Variants in CPED1 observed in about 807,000 individuals in gnomAD.
CPED1 encodes cadherin like and PC-esterase domain containing 1.
A neutral mutation model predicts 128.2 loss-of-function variants in CPED1; 114 were observed. The observed-to-expected ratio is 0.89, with a 90% CI of 0.76 to 1.04. The LOEUF is 1.04. Among genes scored for constraint, CPED1 ranks in the 50% least tolerant of loss-of-function variants. The probability of loss-of-function intolerance (pLI) is 0.00; values close to 1 mark genes in which losing one functional copy is unlikely to be tolerated. For missense variants in CPED1, 1,211 were observed against 1,207.1 expected, an observed-to-expected ratio of 1.00 and a Z score of -0.05; for synonymous variants, 462 against 426.7, an observed-to-expected ratio of 1.08 and a Z score of -1.02.
rs182914817 is a variant in CPED1 at position 121,082,359 on chromosome 7, A to G, written c.617-15340A>G. Among the ~76,000 whole-genome samples the G allele has an allele frequency of 4.7e-3, 710 of 152,332 alleles. 5 individuals carry two copies. The highest frequency in any genetic ancestry group is 0.016 in the African/African-American group (674 of 41,590). On this transcript the variant is annotated intron_variant, in intron 5 of 22. Transcript: ENST00000310396. ...GAGGTTTTCTGTTTTCTACCTCAAC[A>G]TAAAGCTGTCACAATAATATATAAT... is the stretch of plus-strand genomic sequence containing the variant.
At chr7:121,027,244 A>AT (rs1276269660) in intron 3 of CPED1, among the ~76,000 whole-genome samples, 1 of 151,944 alleles carries the variant, frequency 6.6e-6, no homozygotes, top group Non-Finnish European at 1.5e-5. Context: ...CACATTATTC[A>AT]TATATCTCTG....
At chr7:121,144,013 A>G (rs759775646) in intron 16 of CPED1, among the ~76,000 whole-genome samples, 14 of 152,046 alleles carry the variant, frequency 9.2e-5, no homozygotes, top group Non-Finnish European at 1.6e-4. Context: ...CCTTACATTC[A>G]TAAAAACAAG....
At chr7:121,107,106 A>G (rs1429718065) in intron 7 of CPED1, among the ~76,000 whole-genome samples, 3 of 152,244 alleles carry the variant, frequency 2.0e-5, no homozygotes, top group East Asian at 3.9e-4. Flanking sequence ...CACTACCCTC[A>G]TGCAAGAAAG....
chr7:121,274,429 C>T (rs1261845398), intron 22 of CPED1, among the ~76,000 whole-genome samples: 1 of 147,012 alleles, frequency 6.8e-6, no homozygotes, highest in African/African-American at 2.4e-5. Flanking sequence ...CTCGCTTTTT[C>T]TTAACTCTAT....
At chr7:121,136,358 C>T (rs1795782926) in intron 14 of CPED1, among the ~76,000 whole-genome samples, 1 of 152,010 alleles carries the variant, frequency 6.6e-6, no homozygotes. Context: ...GCCTTGGAAG[C>T]CTTTCAGATG....
At chr7:121,269,169 C>T (rs913842009) in intron 21 of CPED1, among the ~76,000 whole-genome samples, 25 of 152,032 alleles carry the variant, frequency 1.6e-4, no homozygotes, top group African/African-American at 5.8e-4. Flanking sequence ...CCCTTCCTCC[C>T]GCTTCTTGTA....
At chr7:121,027,182 C>T (rs1792614440) in intron 3 of CPED1, among the ~76,000 whole-genome samples, 1 of 151,952 alleles carries the variant, frequency 6.6e-6, no homozygotes, top group South Asian at 2.1e-4. Flanking sequence ...GAAATCCCCC[C>T]TCAATTCTTC....
At chr7:121,249,606 C>G (rs1798621195) in intron 18 of CPED1, among the ~76,000 whole-genome samples, 1 of 152,112 alleles carries the variant, frequency 6.6e-6, no homozygotes, top group Non-Finnish European at 1.5e-5. Context: ...GAAATAAAAT[C>G]ATTCTCAGAT....
chr7:120,989,469 A>G lies in CPED1; in HGVS notation c.-153A>G. Reference sequence around the variant, plus strand: ...CTTTCGGGACCTATGATTCTTTGGCACAACCTTTTGGAAAATTCTTAAGCA... The same window carrying G: ...CTTTCGGGACCTATGATTCTTTGGCGCAACCTTTTGGAAAATTCTTAAGCA... On this transcript the variant is annotated 5_prime_UTR_variant, in exon 2 of 23. Coordinates refer to ENST00000310396, the MANE Select transcript of CPED1 (RefSeq NM_024913.5). 1.0e-6 allele frequency: 1 copy of G among 964,244 alleles called. No homozygotes were observed. Among genetic ancestry groups the G allele is most frequent in the South Asian group, 1.7e-5 (1 of 59,980 alleles). 59.7% of individuals were successfully genotyped at this position (964,244 alleles called of 1,614,324 possible). A position where few individuals can be genotyped will look rare whatever the true frequency, so the allele number is the denominator to read the frequency against.
At chr7:121,216,421 A>G (rs931792194) in intron 16 of CPED1, among the ~76,000 whole-genome samples, 2 of 152,028 alleles carry the variant, frequency 1.3e-5, no homozygotes, top group African/African-American at 2.4e-5. Context: ...AGGGCCACAC[A>G]TATCAGCAAG....
chr7:121,223,132 C>A (rs1797924072), intron 16 of CPED1, among the ~76,000 whole-genome samples: 1 of 152,158 alleles, frequency 6.6e-6, no homozygotes, highest in Non-Finnish European at 1.5e-5. Flanking sequence ...TACGTTCCAT[C>A]AATACCTAGT....
chr7:121,074,442 T>C (rs1794070475), intron 5 of CPED1, among the ~76,000 whole-genome samples: 1 of 151,184 alleles, frequency 6.6e-6, no homozygotes, highest in Non-Finnish European at 1.5e-5. Flanking sequence ...AGAGTTGAGT[T>C]AGCCTACTCC....
At chr7:121,067,227 TA>T (rs1793853449) in intron 5 of CPED1, among the ~76,000 whole-genome samples, 2 of 152,226 alleles carry the variant, frequency 1.3e-5, no homozygotes, top group East Asian at 3.9e-4. Flanking sequence ...GCTCGTCATT[TA>T]ACATTAGGTA....
At chr7:121,223,250 G>T (rs1797927226) in intron 16 of CPED1, among the ~76,000 whole-genome samples, 1 of 152,128 alleles carries the variant, frequency 6.6e-6, no homozygotes. Context: ...TTTATGTGAT[G>T]GATTACCTTT....
chr7:121,164,024 A>C (rs1265198334), intron 16 of CPED1, among the ~76,000 whole-genome samples: 1 of 152,204 alleles, frequency 6.6e-6, no homozygotes, highest in Non-Finnish European at 1.5e-5. Context: ...CTCAGTCCCA[A>C]TTTACTGCTA....
In CPED1 at chr7:121,172,661, C is replaced by CATAGATAGATAGATAGATAGATAG. The variant is rs6150319; in HGVS notation, c.2055+30539_2055+30562dup. The stretch of plus-strand genomic sequence containing the variant: ...GGGTGGGTGGTTGGATGGATGGATA[C>CATAGATAGATAGATAGATAGATAG]ATAGATAGATAGATAGATAGATAGA... On this transcript the variant is annotated intron_variant, in intron 16 of 22. Coordinates refer to ENST00000310396, the MANE Select transcript of CPED1 (RefSeq NM_024913.5). 3.6e-3 allele frequency among the ~76,000 whole-genome samples: 520 copies of CATAGATAGATAGATAGATAGATAG among 145,290 alleles called. 3 individuals are homozygous for CATAGATAGATAGATAGATAGATAG. Among genetic ancestry groups the CATAGATAGATAGATAGATAGATAG allele is most frequent in the East Asian group, 0.02 (98 of 4,866 alleles).
intron 16 of CPED1, among the ~76,000 whole-genome samples, chr7:121,194,037 TATA>T (rs1797210340): frequency 1.8e-5 from 2 of 110,154 alleles, no homozygotes; most frequent in African/African-American, 7.4e-5. Context: ...TATATATATA[TATA>T]TATATATATT....
intron 16 of CPED1, among the ~76,000 whole-genome samples, chr7:121,170,905 G>A (rs1026545513): frequency 2.0e-5 from 3 of 151,732 alleles, no homozygotes; most frequent in Admixed American, 6.6e-5. Context: ...ACAAAAATTA[G>A]CGGGTGTGGT....
chr7:121,131,152 C>T (rs892268438), intron 12 of CPED1, among the ~76,000 whole-genome samples: 1 of 152,080 alleles, frequency 6.6e-6, no homozygotes, highest in African/African-American at 2.4e-5. Flanking sequence ...CATTTCACTT[C>T]TTTCTGCTAA....
Sources: allele counts gnomAD v4.1 joint callset (sites outside exome capture counted in the v4.1 genomes callset), GRCh38; gene constraint gnomAD v4.1.1; transcripts MANE v1.5; gene names NCBI Gene and HGNC (gene_info 2026-07-23, HGNC 2026-07-21).